GALNTL5: variants seen among roughly 807,000 people sequenced by gnomAD.
GALNTL5 encodes inactive polypeptide N-acetylgalactosaminyltransferase-like protein 5.
A neutral mutation model predicts 51.0 loss-of-function variants in GALNTL5; 44 were observed. That is an observed-to-expected ratio of 0.86 (90% confidence interval 0.68 to 1.11). The LOEUF (loss-of-function observed/expected upper bound fraction) is 1.11. Among genes scored for constraint, GALNTL5 ranks in the 50% least tolerant of loss-of-function variants. The pLI is 0.00. For synonymous variants in GALNTL5, 192 were observed against 182.8 expected, an observed-to-expected ratio of 1.05 and a Z score of -0.41; for missense variants, 528 against 531.8, an observed-to-expected ratio of 0.99 and a Z score of 0.07.
chr7:151,985,321 G>C (rs1333557039), intron 4 of GALNTL5, among the ~76,000 whole-genome samples: 2 of 152,138 alleles, frequency 1.3e-5, no homozygotes. Flanking sequence ...CAACATGTGG[G>C]TGTGCTTCCC....
chr7:151,970,858 A>T, intron 2 of GALNTL5, 87 bp from the exon 3 acceptor site: 2 of 1,106,296 alleles, frequency 1.8e-6, no homozygotes, highest in Non-Finnish European at 2.6e-6. Flanking sequence ...CTTTTAAAAA[A>T]TTGTTTTGGT....
intron 6 of GALNTL5, among the ~76,000 whole-genome samples, chr7:152,003,187 T>C (rs898757805): frequency 2.0e-5 from 3 of 152,238 alleles, no homozygotes; most frequent in Non-Finnish European, 4.4e-5. Context: ...TCTATAACTC[T>C]TTGATTCTCT....
chr7:151,999,475 C>T (rs2081544087), intron 5 of GALNTL5, among the ~76,000 whole-genome samples: 1 of 152,190 alleles, frequency 6.6e-6, no homozygotes, highest in South Asian at 2.1e-4. Flanking sequence ...CTCCCACCAG[C>T]AATGTGTAAG....
At chr7:151,968,849 T>A (rs146824033) in intron 2 of GALNTL5, among the ~76,000 whole-genome samples, 2 of 152,346 alleles carry the variant, frequency 1.3e-5, no homozygotes, top group Non-Finnish European at 2.9e-5. Flanking sequence ...CACTTTGGTC[T>A]TAATTTGTAT....
At chr7:152,018,787 G>C (rs1238703940) in intron 8 of GALNTL5, among the ~76,000 whole-genome samples, 1 of 152,138 alleles carries the variant, frequency 6.6e-6, no homozygotes. Flanking sequence ...CGATGGCAAA[G>C]ACCTACAGTG....
chr7:151,997,665 G>A, intron 5 of GALNTL5, among the ~76,000 whole-genome samples: 1 of 151,534 alleles, frequency 6.6e-6, no homozygotes, highest in East Asian at 1.9e-4. Flanking sequence ...GGTCTTTCTG[G>A]GTCATTAGAA....
At chr7:151,992,886 C>G (rs1240998013) in intron 5 of GALNTL5, among the ~76,000 whole-genome samples, 4 of 151,410 alleles carry the variant, frequency 2.6e-5, no homozygotes, top group Non-Finnish European at 5.9e-5. Flanking sequence ...ACACCCACTT[C>G]ACACACGTGC....
chr7:151,973,974 G>A (rs534469994), intron 3 of GALNTL5, among the ~76,000 whole-genome samples: 2 of 152,204 alleles, frequency 1.3e-5, no homozygotes, highest in East Asian at 1.9e-4. Flanking sequence ...AGTTTCCCCC[G>A]TGCTCGCTCT....
At chr7:151,974,952 A>C (rs1181525643) in intron 3 of GALNTL5, among the ~76,000 whole-genome samples, 1 of 152,232 alleles carries the variant, frequency 6.6e-6, no homozygotes. Flanking sequence ...CTATGTTTAA[A>C]AATTAACTTC....
chr7:152,019,888 T>C lies in GALNTL5; in HGVS notation c.*87T>C, dbSNP rs2081869435. ...GTCACAAGAGTGTAAGTTTGGAACA[T>C]CGTGGAATTACGTGAAATGCAATTA... is the stretch of plus-strand genomic sequence containing the variant. On this transcript the variant is annotated 3_prime_UTR_variant, in exon 9 of 9. Transcript: ENST00000392800. The C allele has an allele frequency of 6.9e-6, 8 of 1,152,744 alleles. No individual in the cohort carries two copies. Among genetic ancestry groups the C allele is most frequent in the Admixed American group, 2.5e-5 (1 of 40,066 alleles). The allele number at this position is 1,152,744 out of a possible 1,614,324, so 71.4% of individuals were successfully genotyped here.
At chr7:151,983,568 T>C (rs1426700036) in intron 4 of GALNTL5, among the ~76,000 whole-genome samples, 1 of 152,156 alleles carries the variant, frequency 6.6e-6, no homozygotes. Flanking sequence ...GGGCAGGCAC[T>C]GCACTAGGGG....
intron 4 of GALNTL5, among the ~76,000 whole-genome samples, chr7:151,985,105 T>C (rs183756085): frequency 1.3e-5 from 2 of 152,340 alleles, no homozygotes; most frequent in Non-Finnish European, 2.9e-5. Flanking sequence ...CTTTTTGCTA[T>C]GTCCTCATGT....
chr7:152,005,591 T>C (rs975929247), intron 6 of GALNTL5, among the ~76,000 whole-genome samples: 2 of 152,128 alleles, frequency 1.3e-5, no homozygotes, highest in Admixed American at 1.3e-4. Flanking sequence ...GTTGGATACA[T>C]GAGTCCCTTA....
chr7:151,968,741 G>A (rs1000355453), intron 2 of GALNTL5, among the ~76,000 whole-genome samples: 8 of 152,336 alleles, frequency 5.3e-5, no homozygotes, highest in African/African-American at 1.4e-4. Flanking sequence ...GCCACTTTAC[G>A]TGAGTGTACG....
At chr7:151,975,519 G>T (rs12538477) in intron 3 of GALNTL5, among the ~76,000 whole-genome samples, 55,407 of 151,094 alleles carry the variant, frequency 0.37, 11,083 homozygotes, top group Middle Eastern at 0.48. Flanking sequence ...CCAACTCTTT[G>T]TTTGGTTTGT....
intron 7 of GALNTL5, 33 bp downstream of exon 7, chr7:152,007,977 G>T (rs745671152): frequency 8.5e-7 from 1 of 1,182,392 alleles, no homozygotes; most frequent in South Asian, 1.2e-5. Context: ...AATAGCTATA[G>T]AGAGTGAAAC....
At chr7:151,987,621 G>C (rs1252805963) in intron 5 of GALNTL5, among the ~76,000 whole-genome samples, 3 of 148,432 alleles carry the variant, frequency 2.0e-5, no homozygotes, top group Non-Finnish European at 4.5e-5. Flanking sequence ...GACTGGGGGT[G>C]GGGTGGGCGG....
intron 8 of GALNTL5, among the ~76,000 whole-genome samples, chr7:152,016,363 C>G (rs927605523): frequency 1.3e-5 from 2 of 151,082 alleles, no homozygotes; most frequent in Non-Finnish European, 1.5e-5. Flanking sequence ...AAGATTGTGC[C>G]GTTGCACTTC....
intron 2 of GALNTL5, among the ~76,000 whole-genome samples, chr7:151,967,711 AT>A (rs2081077489): frequency 6.6e-6 from 1 of 152,136 alleles, no homozygotes; most frequent in African/African-American, 2.4e-5. Context: ...ATTTGGCTAT[AT>A]TTGCTTCAGA....
Sources: allele counts gnomAD v4.1 joint callset (sites outside exome capture counted in the v4.1 genomes callset), GRCh38; gene constraint gnomAD v4.1.1; transcripts MANE v1.5; gene names NCBI Gene and HGNC (gene_info 2026-07-23, HGNC 2026-07-21).